TARBP1: variants seen among roughly 807,000 people sequenced by gnomAD.
TARBP1 encodes tRNA guanosine 2 -O-methyltransferase TARBP1, also known as tRNA (guanosine(18)-2'-O)-methyltransferase TARBP1.
Under a neutral mutation model 178.6 loss-of-function variants are expected in TARBP1, and 144 were observed. The observed-to-expected ratio is 0.81, with a 90% confidence interval of 0.70 to 0.93. The LOEUF (loss-of-function observed/expected upper bound fraction) is 0.93. Among genes scored for constraint, TARBP1 ranks in the 40% least tolerant of loss-of-function variants. TARBP1 has a pLI of 0.00. For synonymous variants in TARBP1, 787 were observed against 781.0 expected (o/e 1.01, Z -0.13); for missense variants, 2,067 against 2,011.7 (o/e 1.03, Z -0.53).
intron 20 of TARBP1, among the ~76,000 whole-genome samples, chr1:234,421,396 TTTAAAA>T (rs1468576713): frequency 6.6e-6 from 1 of 152,154 alleles, no homozygotes; most frequent in Admixed American, 6.5e-5. Flanking sequence ...GCTAAGTGTT[TTTAAAA>T]TTAGAAGAGG....
At position 234,429,191 on chromosome 1, in the gene TARBP1, T is replaced by C. The variant is rs771237289; in HGVS notation, c.3005A>G (p.Lys1002Arg). The change falls in exon 17 of 30, where the codon AAA becomes AGA. Residue 1002 changes from lysine to arginine, a missense_variant. Physicochemically the swap from Lys to Arg is conservative, Grantham distance 26 (BLOSUM62 2). Coordinates refer to ENST00000040877, the MANE Select transcript of TARBP1 (RefSeq NM_005646.4). ...KAFVQFVFDN[K>R]VLTIAAKIKG... ...GATTTTGGCAGCAATGGTAAGAACT[T>C]TGTTATCAAAAACAAACTGAACAAA... 6 of 1,604,736 alleles carry C rather than the reference T, an allele frequency of 3.7e-6. No individual in the cohort carries two copies. The East Asian group carries it at 1.3e-4, about 36-fold the overall frequency.
At chr1:234,472,094 T>C (rs1659040032) in intron 2 of TARBP1, among the ~76,000 whole-genome samples, 1 of 152,116 alleles carries the variant, frequency 6.6e-6, no homozygotes, top group African/African-American at 2.4e-5. Context: ...CCCAGCACTT[T>C]GGGAGGCCAA....
At chr1:234,422,122 G>A (rs924075345) in intron 20 of TARBP1, among the ~76,000 whole-genome samples, 4 of 152,098 alleles carry the variant, frequency 2.6e-5, no homozygotes, top group Middle Eastern at 3.2e-3. Context: ...GATCATTCAC[G>A]CATTCAGAAG....
At chr1:234,440,655 AAACC>A (rs201919247) in intron 12 of TARBP1, among the ~76,000 whole-genome samples, 2 of 152,338 alleles carry the variant, frequency 1.3e-5, no homozygotes, top group Admixed American at 1.3e-4. Context: ...ACCTTCAAAC[AAACC>A]AACTCCTAGA....
Position 234,405,988 on chromosome 1 carries a change from T to C in TARBP1, c.3904A>G (p.Lys1302Glu). Residue 1302 changes from lysine to glutamate, a missense_variant, in exon 24 of 30, where the codon AAA (lysine) becomes GAA (glutamate). Coordinates refer to ENST00000040877, the MANE Select transcript of TARBP1 (RefSeq NM_005646.4). ...TCAAATTCTTCAACACTTAACACTT[T>C]ACACACAGTCCAGAGTTTCTTAAGA... ...VALKKLWTVC[K>E]VLSVEEFDAL... 1.2e-6 allele frequency: 2 copies of C among 1,614,168 alleles called. No homozygotes were observed. Among genetic ancestry groups the C allele is most frequent in the Admixed American group, 1.7e-5 (1 of 60,018 alleles).
chr1:234,429,350 C>T (rs572451185), intron 16 of TARBP1, 26 bp from the exon 17 acceptor site: 29 of 1,566,710 alleles, frequency 1.9e-5, no homozygotes, highest in Admixed American at 4.2e-5. Context: ...AAAATACATA[C>T]TTATTTCAAA....
At chr1:234,400,053 C>CAAAT (rs748345592) in intron 25 of TARBP1, among the ~76,000 whole-genome samples, 1 of 142,062 alleles carries the variant, frequency 7.0e-6, no homozygotes, top group Admixed American at 7.1e-5. Context: ...AAAATAAAAA[C>CAAAT]AAAAAAAAAA....
intron 6 of TARBP1, among the ~76,000 whole-genome samples, chr1:234,462,223 T>A (rs1667928088): frequency 6.6e-6 from 1 of 152,248 alleles, no homozygotes; most frequent in Admixed American, 6.5e-5. Flanking sequence ...GCATCTGTGA[T>A]ATGCCTGGTC....
At chr1:234,470,558 G>T (rs182962482) in intron 3 of TARBP1, among the ~76,000 whole-genome samples, 1 of 125,160 alleles carries the variant, frequency 8.0e-6, no homozygotes, top group African/African-American at 3.0e-5. Flanking sequence ...ATCATCAACG[G>T]TTTAAAAAAT....
chr1:234,420,801 C>T lies in TARBP1; in HGVS notation c.3456G>A (p.Val1152=). ...AIKLLDKDEL[V]SKSKKRYYVN... ...CATAGTAGCGTTTTTTGGACTTGGA[C>T]ACTAATTCATCCTGGAAAGGAGAAG... The change falls in exon 21 of 30, where the codon GTG becomes GTA. Residue 1152 remains valine (V), a synonymous_variant. Coordinates refer to ENST00000040877, the MANE Select transcript of TARBP1 (RefSeq NM_005646.4). 3 of 1,599,642 alleles carry T rather than the reference C, an allele frequency of 1.9e-6. No homozygotes were observed. The highest frequency in any genetic ancestry group is 1.7e-6 in the Non-Finnish European group (2 of 1,170,258).
At chr1:234,437,227 AAAAG>A (rs1665116741) in intron 13 of TARBP1, 44 bp downstream of exon 13, 1 of 1,024,296 alleles carries the variant, frequency 9.8e-7, no homozygotes, top group Non-Finnish European at 1.4e-6. Context: ...AATATTGGTG[AAAAG>A]AATGAAAGAA....
chr1:234,393,144 G>C (rs930914325), intron 28 of TARBP1, among the ~76,000 whole-genome samples: 7 of 152,118 alleles, frequency 4.6e-5, no homozygotes, highest in Admixed American at 2.0e-4. Flanking sequence ...AAAATAAGTA[G>C]AAAAACAGAA....
chr1:234,472,625 T>TA, intron 2 of TARBP1, 89 bp downstream of exon 2: 1 of 809,594 alleles, frequency 1.2e-6, no homozygotes, highest in South Asian at 1.9e-5. Context: ...ATATCTGAGT[T>TA]AGTCTCTTTG....
intron 9 of TARBP1, among the ~76,000 whole-genome samples, chr1:234,452,002 C>A (rs965216846): frequency 1.3e-5 from 2 of 152,168 alleles, no homozygotes; most frequent in Non-Finnish European, 2.9e-5. Context: ...ATTATTGCTA[C>A]AAAATACGTG....
At chr1:234,475,473 T>C (rs1036052209) in intron 1 of TARBP1, among the ~76,000 whole-genome samples, 1 of 152,182 alleles carries the variant, frequency 6.6e-6, no homozygotes, top group Non-Finnish European at 1.5e-5. Flanking sequence ...CCTGCACTGA[T>C]ACAAAGCTGG....
intron 25 of TARBP1, among the ~76,000 whole-genome samples, chr1:234,400,088 C>T (rs1387645745): frequency 2.0e-5 from 3 of 151,642 alleles, no homozygotes; most frequent in African/African-American, 7.3e-5. Flanking sequence ...GATACAGTTC[C>T]TATGAACAAT....
At position 234,457,719 on chromosome 1, in the gene TARBP1, A is replaced by G. The variant is rs989886832; in HGVS notation, c.1670T>C (p.Met557Thr). ...TAAGGATTCCTCTTGTCTCAGAGAC[A>G]TGAGAAAAGTTGAGACATCAGAAAG... Reference protein sequence around the residue: ...VSLSDVSTFLMSLRQEESLGR... With the variant: ...VSLSDVSTFLTSLRQEESLGR... Residue 557 changes from methionine (M) to threonine (T), a missense_variant, in exon 9 of 30, where the codon ATG (methionine) becomes ACG (threonine). Met to Thr is a moderately conservative substitution (Grantham distance 81). Coordinates refer to ENST00000040877, the MANE Select transcript of TARBP1 (RefSeq NM_005646.4). The G allele has an allele frequency of 6.8e-6, 11 of 1,610,212 alleles. No homozygotes were observed. Among genetic ancestry groups the G allele is most frequent in the Non-Finnish European group, 5.1e-6 (6 of 1,177,516 alleles).
chr1:234,407,056 A>C (rs753595411), intron 23 of TARBP1: 1 of 152,256 alleles, frequency 6.6e-6, no homozygotes, highest in Non-Finnish European at 1.5e-5. Flanking sequence ...TCTTTCTCTC[A>C]TTCCTTTACT....
rs749455998 is a variant in TARBP1 at position 234,478,648 on chromosome 1, C to T, written c.456G>A (p.Arg152=). 24 of 1,278,108 alleles carry T rather than the reference C, an allele frequency of 1.9e-5. No homozygotes were observed. In the South Asian group the frequency reaches 5.5e-4, roughly 29 times the overall value. The allele number at this position is 1,278,108 out of a possible 1,614,324, so 79.2% of individuals were successfully genotyped here. The change falls in exon 1 of 30, where the codon CGG becomes CGA. Residue 152 remains arginine, a synonymous_variant. Transcript: ENST00000040877. ...EVLAAVGPCL[R]PREDGPLLER... ...CCAGTAGCGGCCCGTCCTCGCGGGG[C>T]CGCAAACATGGCCCGACGGCTGCTA...
Sources: allele counts gnomAD v4.1 joint callset (sites outside exome capture counted in the v4.1 genomes callset), GRCh38; gene constraint gnomAD v4.1.1; transcripts MANE v1.5; gene names NCBI Gene and HGNC (gene_info 2026-07-23, HGNC 2026-07-21).